NCOR2: variants seen among roughly 807,000 people sequenced by gnomAD.
The protein encoded by NCOR2 is CTG repeat protein 26.
In NCOR2, 81 loss-of-function variants were observed where a neutral mutation model predicts 262.9. The ratio of observed to expected loss-of-function variants is 0.31; its 90% CI spans 0.26 to 0.37. The LOEUF is 0.37. Among genes scored for constraint, NCOR2 ranks in the 10% least tolerant of loss-of-function variants. The pLI is 1.00. For synonymous variants in NCOR2, 1,659 were observed against 1,559.3 expected (o/e 1.06, Z -1.51); for missense variants, 3,385 against 3,621.4 (o/e 0.93, Z 1.68).
chr12:124,447,618 G>T lies in NCOR2; in HGVS notation c.815+2197C>A, dbSNP rs1274118739. The stretch of plus-strand genomic sequence containing the variant: ...AAAGAAAAATCATAACTAGGTATAT[G>T]AAGGCGTAAAGAGCTTAAGATAGTT... On this transcript the variant is annotated intron_variant, in intron 7 of 46. Transcript: ENST00000405201. Among the ~76,000 whole-genome samples, 4 of 152,014 alleles carry T rather than the reference G, an allele frequency of 2.6e-5. No individual in the cohort carries two copies. In the East Asian group the frequency reaches 7.7e-4, roughly 29 times the overall value.
intron 8 of NCOR2, 65 bp downstream of exon 10, chr12:124,437,865 C>T: frequency 6.7e-7 from 1 of 1,489,448 alleles, no homozygotes; most frequent in Non-Finnish European, 9.2e-7. Flanking sequence ...CAGGTGTGGC[C>T]CCCTGTGCGC....
chr12:124,340,161 G>A (rs2036329416), exon 37 of NCOR2: 3 of 1,370,502 alleles, frequency 2.2e-6, no homozygotes, highest in Non-Finnish European at 3.0e-6. Flanking sequence ...GGCGGCTGCT[G>A]CTGCCCCCAC....
chr12:124,486,241 C>G (rs903395411), intron 2 of NCOR2, 200 bp downstream of exon 4: 24 of 702,782 alleles, frequency 3.4e-5, no homozygotes, highest in Non-Finnish European at 4.6e-5. Flanking sequence ...CGCTGGAAGT[C>G]TGAGGGCCAC....
At chr12:124,369,336 T>C (rs574739139) in intron 20 of NCOR2, among the ~76,000 whole-genome samples, 59 of 152,262 alleles carry the variant, frequency 3.9e-4, no homozygotes, top group African/African-American at 1.3e-3. Flanking sequence ...ATTTTCTCTC[T>C]CCCAAAGTCA....
intron 27 of NCOR2, among the ~76,000 whole-genome samples, chr12:124,350,959 G>A (rs2037400447): frequency 6.6e-6 from 1 of 152,244 alleles, no homozygotes; most frequent in African/African-American, 2.4e-5. Flanking sequence ...AGTGGACGCT[G>A]TTCTGGGTGC....
At chr12:124,501,364 C>A (rs1391458588) in intron 1 of NCOR2, among the ~76,000 whole-genome samples, 1 of 151,886 alleles carries the variant, frequency 6.6e-6, no homozygotes, top group African/African-American at 2.4e-5. Context: ...ACACACGAGG[C>A]GTATTAGCGC....
At chr12:124,464,353 C>G (rs1324488566) in intron 5 of NCOR2, among the ~76,000 whole-genome samples, 3 of 152,156 alleles carry the variant, frequency 2.0e-5, no homozygotes, top group Non-Finnish European at 4.4e-5. Context: ...CTGCTCTCCA[C>G]CGAGGATCAG....
At chr12:124,451,321 G>GT (rs1287295631) in intron 6 of NCOR2, among the ~76,000 whole-genome samples, 1 of 152,224 alleles carries the variant, frequency 6.6e-6, no homozygotes, top group Non-Finnish European at 1.5e-5. Context: ...ACAGTGAACA[G>GT]TTGCTGCTTC....
At chr12:124,422,717 G>A (rs770198549) in intron 11 of NCOR2, among the ~76,000 whole-genome samples, 162 bp from the exon 14 acceptor site, 18 of 152,206 alleles carry the variant, frequency 1.2e-4, no homozygotes, top group Non-Finnish European at 1.9e-4. Context: ...GGGCTGCTGC[G>A]GCAGACGGGA....
intron 8 of NCOR2, among the ~76,000 whole-genome samples, chr12:124,433,606 G>A (rs1415697801): frequency 1.3e-5 from 2 of 152,154 alleles, no homozygotes; most frequent in Non-Finnish European, 2.9e-5. Context: ...TCTGCCTTCT[G>A]CCCAGAACAA....
At chr12:124,347,871 G>T in exon 30 of NCOR2, 1 of 1,568,826 alleles carries the variant, frequency 6.4e-7, no homozygotes, top group East Asian at 2.4e-5. Context: ...TGAGGTGGTG[G>T]GGGCTGTGTC....
intron 20 of NCOR2, among the ~76,000 whole-genome samples, chr12:124,369,735 C>A (rs2039335785): frequency 6.6e-6 from 1 of 152,126 alleles, no homozygotes; most frequent in South Asian, 2.1e-4. Flanking sequence ...TGACTCCCAG[C>A]CGAGGACTCC....
chr12:124,473,217 C>T, intron 3 of NCOR2, 86 bp from the exon 6 acceptor site: 1 of 1,487,088 alleles, frequency 6.7e-7, no homozygotes, highest in South Asian at 1.2e-5. Flanking sequence ...TACTGTCAAC[C>T]TGATTGGATT....
intron 10 of NCOR2, 160 bp downstream of exon 12, chr12:124,429,453 G>C (rs1016346776): frequency 9.9e-6 from 7 of 708,206 alleles, no homozygotes; most frequent in Non-Finnish European, 9.7e-6. Flanking sequence ...TGCAGGCCTG[G>C]GACGGGTACC....
At chr12:124,408,120 C>T (rs972376441) in intron 13 of NCOR2, among the ~76,000 whole-genome samples, 2 of 152,138 alleles carry the variant, frequency 1.3e-5, no homozygotes, top group Non-Finnish European at 2.9e-5. Flanking sequence ...TTTGGGAGGC[C>T]GAGGCCGGCG....
At chr12:124,540,258 G>A (rs562179068), upstream of NCOR2, among the ~76,000 whole-genome samples, 6 of 150,406 alleles carry the variant, frequency 4.0e-5, no homozygotes, top group South Asian at 8.5e-4. Context: ...CCCTGCAGGA[G>A]GAGACACTGG....
intron 18 of NCOR2, 22 bp from the exon 21 acceptor site, chr12:124,374,485 G>C: frequency 4.3e-6 from 7 of 1,610,594 alleles, no homozygotes; most frequent in Non-Finnish European, 5.1e-6. Context: ...TCAGAGAAGA[G>C]TTAGAAGTGA....
chr12:124,387,992 G>A (rs917939525), intron 16 of NCOR2, among the ~76,000 whole-genome samples: 3 of 151,756 alleles, frequency 2.0e-5, no homozygotes, highest in Admixed American at 1.3e-4. Context: ...AAATAAGGAG[G>A]TAGCTAGGAG....
At chr12:124,501,912 CGAG>C (rs1378154670) in intron 1 of NCOR2, among the ~76,000 whole-genome samples, 1 of 152,178 alleles carries the variant, frequency 6.6e-6, no homozygotes, top group Non-Finnish European at 1.5e-5. Context: ...CAGTCTGGCC[CGAG>C]GAGAAGCCGG....
Sources: allele counts gnomAD v4.1 joint callset (sites outside exome capture counted in the v4.1 genomes callset), GRCh38; gene constraint gnomAD v4.1.1; transcripts MANE v1.5; gene names NCBI Gene and HGNC (gene_info 2026-07-23, HGNC 2026-07-21).